The following CSMD1 variants were observed in gnomAD, a reference collection of about 807,000 sequenced individuals.
CSMD1 encodes the protein CUB and sushi domain-containing protein 1.
In CSMD1, 213 loss-of-function variants were observed where a neutral mutation model predicts 417.5. The ratio of observed to expected loss-of-function variants is 0.51; its 90% CI spans 0.46 to 0.57. CSMD1 has a LOEUF of 0.57. Ranked by LOEUF, CSMD1 falls within the 20% of genes least tolerant of loss-of-function variation. The pLI is 0.00. For synonymous variants in CSMD1, 2,862 were observed against 1,736.8 expected, an observed-to-expected ratio of 1.65 and a Z score of -16.11; for missense variants, 6,923 against 4,529.7, an observed-to-expected ratio of 1.53 and a Z score of -15.17.
rs1183389173 is a variant in CSMD1 at position 3,284,286 on chromosome 8, C to A, written c.4011G>T (p.Gly1337=). Reference sequence around the variant, plus strand: ...TCAGCAGGATGTCACTGTCCACCGGCCCGTCCCAGACCTTGAGGATGTCGT... The same window carrying A: ...TCAGCAGGATGTCACTGTCCACCGGACCGTCCCAGACCTTGAGGATGTCGT... ...MAHDILKVWD[G]PVDSDILLKE... The change falls in exon 26 of 70, where the codon GGG becomes GGT. Residue 1337 remains glycine (G), a synonymous_variant. Transcript: ENST00000635120. 1 of 1,613,806 alleles carries A rather than the reference C, an allele frequency of 6.2e-7. No individual in the cohort carries two copies. The highest frequency in any genetic ancestry group is 1.7e-5 in the Admixed American group (1 of 59,998).
At chr8:4,046,758 A>T (rs1798168096) in intron 3 of CSMD1, among the ~76,000 whole-genome samples, 1 of 152,232 alleles carries the variant, frequency 6.6e-6, no homozygotes, top group South Asian at 2.1e-4. Flanking sequence ...CCCATAACAC[A>T]CACACATATT....
intron 1 of CSMD1, among the ~76,000 whole-genome samples, chr8:4,841,160 G>A (rs374157707): frequency 2.0e-5 from 3 of 152,166 alleles, no homozygotes; most frequent in African/African-American, 4.8e-5. Context: ...ATAAATAATG[G>A]TCAGAGCTTC....
At chr8:3,748,972 A>G (rs1296920504) in intron 6 of CSMD1, among the ~76,000 whole-genome samples, 3 of 152,258 alleles carry the variant, frequency 2.0e-5, no homozygotes, top group African/African-American at 4.8e-5. Flanking sequence ...TATCAGTTAC[A>G]GAAAATCAAT....
Position 3,810,846 on chromosome 8 carries a change from G to C in CSMD1, c.819-56804C>G, listed in dbSNP as rs2720886. ...CACAAAATTCAAAGATGGGGCCATT[G>C]ATCTTTAGGCTCCTGTTCAGCTTTA... On this transcript the variant is annotated intron_variant, in intron 5 of 69. Transcript: ENST00000635120. Among the ~76,000 whole-genome samples the C allele has an allele frequency of 2.2e-3, 340 of 152,242 alleles. 2 individuals are homozygous for C. The highest frequency in any genetic ancestry group is 8.0e-3 in the African/African-American group (332 of 41,550).
intron 5 of CSMD1, among the ~76,000 whole-genome samples, chr8:3,765,236 C>T (rs990258623): frequency 2.6e-5 from 4 of 152,166 alleles, no homozygotes; most frequent in African/African-American, 9.7e-5. Flanking sequence ...GTCTGCTGTG[C>T]TCCTGCTTTC....
intron 3 of CSMD1, among the ~76,000 whole-genome samples, chr8:4,187,676 C>CAAAAA (rs34858860): frequency 0.13 from 11,200 of 88,198 alleles, 1,498 homozygotes; most frequent in Non-Finnish European, 0.16. Flanking sequence ...AACTCCGTCT[C>CAAAAA]AAAAAAAAAA....
At chr8:3,585,168 G>A (rs1458686851) in intron 9 of CSMD1, among the ~76,000 whole-genome samples, 1 of 152,126 alleles carries the variant, frequency 6.6e-6, no homozygotes. Flanking sequence ...AGTAAATGGG[G>A]CCAAAGAGTA....
At chr8:3,567,185 G>T (rs532958901) in intron 10 of CSMD1, among the ~76,000 whole-genome samples, 17 of 152,210 alleles carry the variant, frequency 1.1e-4, no homozygotes, top group African/African-American at 3.9e-4. Flanking sequence ...ACCAAATACT[G>T]CATGTTCTCA....
chr8:4,565,873 GT>G (rs1487396820), intron 2 of CSMD1, among the ~76,000 whole-genome samples: 1 of 147,574 alleles, frequency 6.8e-6, no homozygotes, highest in Admixed American at 6.8e-5. Context: ...TTCTTCTTCT[GT>G]TGAAAGAAAT....
At chr8:4,658,114 G>A (rs79265007) in intron 1 of CSMD1, among the ~76,000 whole-genome samples, 1,790 of 152,036 alleles carry the variant, frequency 0.012, 41 homozygotes, top group East Asian at 0.1. Context: ...GGGGCACCAT[G>A]AAACATAACA....
intron 1 of CSMD1, among the ~76,000 whole-genome samples, chr8:4,762,318 T>A (rs769206728): frequency 3.0e-4 from 46 of 152,148 alleles, no homozygotes; most frequent in Non-Finnish European, 4.9e-4. Flanking sequence ...TTTACTGGTA[T>A]AACATTTAAT....
intron 5 of CSMD1, among the ~76,000 whole-genome samples, chr8:3,941,264 T>A (rs1230042405): frequency 1.3e-5 from 2 of 152,148 alleles, no homozygotes; most frequent in African/African-American, 4.8e-5. Context: ...AAACCTGACT[T>A]GCTGAATTAC....
intron 1 of CSMD1, among the ~76,000 whole-genome samples, chr8:4,704,622 T>C (rs188329592): frequency 1.3e-5 from 2 of 152,372 alleles, no homozygotes; most frequent in East Asian, 3.9e-4. Flanking sequence ...ATTCTGTACA[T>C]TTCTTCTTTT....
chr8:3,314,584 T>G (rs899256068), intron 23 of CSMD1, among the ~76,000 whole-genome samples: 4 of 152,196 alleles, frequency 2.6e-5, no homozygotes, highest in African/African-American at 9.6e-5. Context: ...GTAATTCTAT[T>G]TCTTTGTTTT....
chr8:4,434,877 T>TC (rs1185899650), intron 2 of CSMD1, among the ~76,000 whole-genome samples: 1 of 152,132 alleles, frequency 6.6e-6, no homozygotes, highest in African/African-American at 2.4e-5. Flanking sequence ...TACATCTTTT[T>TC]CCTCAAGAAA....
At chr8:4,094,993 T>G (rs1341529750) in intron 3 of CSMD1, among the ~76,000 whole-genome samples, 1 of 152,104 alleles carries the variant, frequency 6.6e-6, no homozygotes, top group African/African-American at 2.4e-5. Flanking sequence ...ATTATACAGG[T>G]GGACTAGAAA....
intron 5 of CSMD1, among the ~76,000 whole-genome samples, chr8:3,919,497 C>T (rs1000255846): frequency 6.6e-6 from 1 of 152,058 alleles, no homozygotes; most frequent in Non-Finnish European, 1.5e-5. Flanking sequence ...GTCTATGTGT[C>T]TGTTTTTATT....
chr8:4,857,379 A>T (rs1331385638), intron 1 of CSMD1, among the ~76,000 whole-genome samples: 3 of 152,110 alleles, frequency 2.0e-5, no homozygotes, highest in Non-Finnish European at 4.4e-5. Context: ...GAGCAAACAC[A>T]TTCAAAAGCT....
At chr8:3,049,714 A>T (rs182547832) in intron 50 of CSMD1, among the ~76,000 whole-genome samples, 115 of 152,158 alleles carry the variant, frequency 7.6e-4, no homozygotes, top group African/African-American at 2.6e-3. Flanking sequence ...ACATTTGTCC[A>T]AGCCCACAGA....
Sources: allele counts gnomAD v4.1 joint callset (sites outside exome capture counted in the v4.1 genomes callset), GRCh38; gene constraint gnomAD v4.1.1; transcripts MANE v1.5; gene names NCBI Gene and HGNC (gene_info 2026-07-23, HGNC 2026-07-21).